The following HEATR5B variants were observed in gnomAD, a reference collection of about 807,000 sequenced individuals.
The protein encoded by HEATR5B is HEAT repeat containing 5B.
In HEATR5B, 156 loss-of-function variants were observed where a neutral mutation model predicts 224.1. The ratio of observed to expected loss-of-function variants is 0.70; its 90% CI spans 0.61 to 0.80. The LOEUF (loss-of-function observed/expected upper bound fraction) is 0.80, where lower values mean the gene tolerates loss of function less well. Ranked by LOEUF, HEATR5B falls within the 30% of genes least tolerant of loss-of-function variation. The pLI, the probability that HEATR5B is intolerant of heterozygous loss-of-function variation, is 0.00. For missense variants in HEATR5B, 2,323 were observed against 2,535.5 expected (o/e 0.92, Z 1.80); for synonymous variants, 1,027 against 893.0 (o/e 1.15, Z -2.68).
chr2:37,048,554 C>T (rs1572886204), intron 18 of HEATR5B, among the ~76,000 whole-genome samples: 2 of 151,908 alleles, frequency 1.3e-5, no homozygotes, highest in Admixed American at 6.6e-5. Flanking sequence ...TCTAAAGAAA[C>T]ATACTCCTAC....
In HEATR5B at chr2:37,007,096, A is replaced by G; in HGVS notation, c.4731T>C (p.Ala1577=). 4.3e-6 allele frequency: 7 copies of G among 1,614,160 alleles called. No individual in the cohort carries two copies. Among genetic ancestry groups the G allele is most frequent in the Non-Finnish European group, 5.9e-6 (7 of 1,180,008 alleles). ...CTTTGTTAATTTCTGGCAAAGATTT[A>G]GCACTACCCACTGCTCCTGATGCCT... is the stretch of plus-strand genomic sequence containing the variant. ...LNQASGAVGS[A]KSLPEINKDR... Residue 1577 remains alanine, a synonymous_variant, in exon 29 of 36, where the codon GCT becomes GCC. Transcript: ENST00000233099.
chr2:37,052,028 C>A (rs544410983), intron 17 of HEATR5B, among the ~76,000 whole-genome samples: 1 of 152,208 alleles, frequency 6.6e-6, no homozygotes, highest in Non-Finnish European at 1.5e-5. Context: ...GCATAAGCCA[C>A]CACGCCCAGC....
At chr2:36,995,008 C>G (rs1166980079) in intron 33 of HEATR5B, among the ~76,000 whole-genome samples, 1 of 151,808 alleles carries the variant, frequency 6.6e-6, no homozygotes, top group African/African-American at 2.4e-5. Flanking sequence ...CCTCGGCCTC[C>G]CAAAGTGCTG....
At chr2:37,051,110 C>G (rs1670515638) in intron 17 of HEATR5B, among the ~76,000 whole-genome samples, 1 of 150,752 alleles carries the variant, frequency 6.6e-6, no homozygotes, top group African/African-American at 2.4e-5. Context: ...GTAATCCCAG[C>G]ACTTTGGGAA....
intron 7 of HEATR5B, 53 bp from the exon 8 acceptor site, chr2:37,068,983 A>G: frequency 6.5e-7 from 1 of 1,543,306 alleles, no homozygotes; most frequent in Non-Finnish European, 8.8e-7. Context: ...CTGAACAGAA[A>G]TCAAAGATAA....
chr2:37,035,764 G>C (rs1268060105), intron 21 of HEATR5B, among the ~76,000 whole-genome samples: 1 of 152,002 alleles, frequency 6.6e-6, no homozygotes, highest in African/African-American at 2.4e-5. Context: ...CTACGTCTCT[G>C]TTTTCCATAT....
rs576476716 is a variant in HEATR5B, at chr2:37,079,370, AT to A, written c.127-40del. The stretch of plus-strand genomic sequence containing the variant: ...AATTTTTAAAAGAACATCATTAAAA[AT>A]TTTTTTTGTTACCTTTTAATCAAAA... On this transcript the variant is annotated intron_variant, in intron 2 of 35. Coordinates refer to ENST00000233099, the MANE Select transcript of HEATR5B (RefSeq NM_019024.3). The A allele has an allele frequency of 2.8e-3, 3,388 of 1,196,672 alleles. 9 individuals are homozygous for A. The highest frequency in any genetic ancestry group is 3.8e-3 in the Admixed American group (152 of 39,940). 74.1% of individuals were successfully genotyped at this position (1,196,672 alleles called of 1,614,324 possible).
rs765475749 is a variant in HEATR5B, at chr2:37,058,986, G to A, written c.1851C>T (p.Ala617=). The A allele has an allele frequency of 8.8e-6, 14 of 1,597,864 alleles. No homozygotes were observed. Among genetic ancestry groups the A allele is most frequent in the Non-Finnish European group, 1.2e-5 (14 of 1,169,434 alleles). Residue 617 remains alanine, a splice_region_variant and synonymous_variant, in exon 13 of 36, where the codon GCC becomes GCT. Coordinates refer to ENST00000233099, the MANE Select transcript of HEATR5B (RefSeq NM_019024.3). ...TLEGRAGALC[A]MRSFVAHCPE... ...GACAATGTGCAACGAAGCTCCTCAT[G>A]GCTAGATAAAATGTTTAAAAGGACA... is the stretch of plus-strand genomic sequence containing the variant.
At chr2:37,024,174 C>T (rs1668628313) in intron 24 of HEATR5B, among the ~76,000 whole-genome samples, 1 of 152,130 alleles carries the variant, frequency 6.6e-6, no homozygotes, top group South Asian at 2.1e-4. Context: ...CATGATCTCA[C>T]TCATAGGTGG....
intron 35 of HEATR5B, among the ~76,000 whole-genome samples, chr2:36,983,367 A>G (rs1336559954): frequency 3.3e-5 from 3 of 91,548 alleles, no homozygotes; most frequent in African/African-American, 1.9e-4. Flanking sequence ...ATCTCTACTA[A>G]AAATACAAAA....
chr2:37,018,879 G>C (rs1350264294), intron 26 of HEATR5B, among the ~76,000 whole-genome samples: 2 of 152,130 alleles, frequency 1.3e-5, no homozygotes, highest in African/African-American at 4.8e-5. Context: ...GCATTTTTTG[G>C]GGCAGGGTGT....
intron 18 of HEATR5B, among the ~76,000 whole-genome samples, chr2:37,045,492 G>C (rs1199461044): frequency 6.6e-6 from 1 of 152,172 alleles, no homozygotes; most frequent in Non-Finnish European, 1.5e-5. Flanking sequence ...TTCACCTCAG[G>C]AGGTCTTTCT....
At chr2:37,023,121 G>GA (rs143424995) in intron 24 of HEATR5B, among the ~76,000 whole-genome samples, 40,393 of 151,530 alleles carry the variant, frequency 0.27, 5,743 homozygotes, top group Non-Finnish European at 0.31. Context: ...ATGAAAGGTA[G>GA]AAAAAAATCA....
At chr2:37,055,255 T>A (rs939485466) in intron 16 of HEATR5B, 1 of 165,784 alleles carries the variant, frequency 6.0e-6, no homozygotes, top group African/African-American at 2.4e-5. Flanking sequence ...TATTCACTTA[T>A]CCTCCTACTG....
At chr2:37,039,335 A>G (rs1187218628) in intron 20 of HEATR5B, among the ~76,000 whole-genome samples, 2 of 151,996 alleles carry the variant, frequency 1.3e-5, no homozygotes. Flanking sequence ...GTGTAGTGGC[A>G]GGCACCTGTA....
chr2:37,040,717 T>C (rs1202616380), intron 19 of HEATR5B, among the ~76,000 whole-genome samples, 199 bp from the exon 20 acceptor site: 1 of 151,980 alleles, frequency 6.6e-6, no homozygotes, highest in African/African-American at 2.4e-5. Flanking sequence ...TAATAACGTC[T>C]AAAAAGAAAC....
At position 36,980,937 on chromosome 2, in the gene HEATR5B, T is replaced by G. The variant is rs1276789500; in HGVS notation, c.*553A>C. 6.6e-6 allele frequency: 1 copy of G among 152,194 alleles called. No homozygotes were observed. Among genetic ancestry groups the G allele is most frequent in the Non-Finnish European group, 1.5e-5 (1 of 68,044 alleles). The allele number at this position is 152,194 out of a possible 1,614,324, so 9.4% of individuals were successfully genotyped here. A position where few individuals can be genotyped will look rare whatever the true frequency, so the allele number is the denominator to read the frequency against. On this transcript the variant is annotated 3_prime_UTR_variant, in exon 36 of 36. Transcript: ENST00000233099. Reference sequence around the variant, plus strand: ...ATTTTAATTGTTACCAACTAAAATATACATAGCATAATTTAGTAATTTGAT... The same window carrying G: ...ATTTTAATTGTTACCAACTAAAATAGACATAGCATAATTTAGTAATTTGAT...
chr2:37,042,889 CA>C (rs373043531), intron 18 of HEATR5B, among the ~76,000 whole-genome samples: 3,987 of 80,572 alleles, frequency 0.049, 41 homozygotes, highest in Non-Finnish European at 0.067. Flanking sequence ...GACTCTGTCT[CA>C]AAAAAAAAAA....
At chr2:37,019,603 T>C (rs1668341884) in intron 26 of HEATR5B, among the ~76,000 whole-genome samples, 1 of 152,004 alleles carries the variant, frequency 6.6e-6, no homozygotes, top group African/African-American at 2.4e-5. Flanking sequence ...ACTACAGGTG[T>C]ATGTTACCAT....
Sources: allele counts gnomAD v4.1 joint callset (sites outside exome capture counted in the v4.1 genomes callset), GRCh38; gene constraint gnomAD v4.1.1; transcripts MANE v1.5; gene names NCBI Gene and HGNC (gene_info 2026-07-23, HGNC 2026-07-21).